Variants in SH3RF3 observed in about 807,000 individuals in gnomAD.
The protein encoded by SH3RF3 is SH3 domain containing ring finger 3.
Under a neutral mutation model 66.3 loss-of-function variants are expected in SH3RF3, and 29 were observed. That is an observed-to-expected ratio of 0.44 (90% confidence interval 0.33 to 0.60). SH3RF3 has a LOEUF of 0.60. Ranked by LOEUF, SH3RF3 falls within the 20% of genes least tolerant of loss-of-function variation. SH3RF3 has a pLI of 0.04. For synonymous variants in SH3RF3, 583 were observed against 532.0 expected, an observed-to-expected ratio of 1.10 and a Z score of -1.32; for missense variants, 1,194 against 1,190.9, an observed-to-expected ratio of 1.00 and a Z score of -0.04.
At position 109,503,542 on chromosome 2, in the gene SH3RF3, G is replaced by A. The variant is rs1679450761; in HGVS notation, c.*1871G>A. Reference sequence around the variant, plus strand: ...AAACATAGTAACTTCTGTGTGCCAGGTTAATGACAACCAAAAGCTCTCTAT... The same window carrying A: ...AAACATAGTAACTTCTGTGTGCCAGATTAATGACAACCAAAAGCTCTCTAT... On this transcript the variant is annotated 3_prime_UTR_variant, in exon 10 of 10. Coordinates refer to ENST00000309415, the MANE Select transcript of SH3RF3 (RefSeq NM_001099289.3). 6.6e-6 allele frequency: 1 copy of A among 152,112 alleles called. No homozygotes were observed. The highest frequency in any genetic ancestry group is 1.5e-5 in the Non-Finnish European group (1 of 68,036). The allele number at this position is 152,112 out of a possible 1,614,324, so 9.4% of individuals were successfully genotyped here.
At chr2:109,312,113 A>G (rs1287927197) in intron 1 of SH3RF3, among the ~76,000 whole-genome samples, 1 of 152,194 alleles carries the variant, frequency 6.6e-6, no homozygotes, top group Admixed American at 6.5e-5. Context: ...TTGTTAGTTC[A>G]AAAGTATGTC....
intron 8 of SH3RF3, among the ~76,000 whole-genome samples, chr2:109,462,462 T>C (rs1678231770): frequency 6.6e-6 from 1 of 152,166 alleles, no homozygotes; most frequent in African/African-American, 2.4e-5. Context: ...ATGATAATCC[T>C]CTGTCATTCT....
chr2:109,326,460 A>G (rs1682158977), intron 1 of SH3RF3, among the ~76,000 whole-genome samples: 1 of 152,168 alleles, frequency 6.6e-6, no homozygotes, highest in Non-Finnish European at 1.5e-5. Context: ...TTGCACTCCT[A>G]CCAGCAGTGG....
chr2:109,170,786 C>T (rs1677762530), intron 1 of SH3RF3, among the ~76,000 whole-genome samples: 2 of 152,222 alleles, frequency 1.3e-5, no homozygotes, highest in Admixed American at 1.3e-4. Context: ...ATCTGTTTCT[C>T]TCAGGAAGCT....
chr2:109,453,212 T>C (rs1677938293), intron 8 of SH3RF3, among the ~76,000 whole-genome samples: 1 of 152,098 alleles, frequency 6.6e-6, no homozygotes, highest in South Asian at 2.1e-4. Flanking sequence ...TGCAGGAACC[T>C]CTCCAGCCTA....
intron 8 of SH3RF3, among the ~76,000 whole-genome samples, chr2:109,462,517 A>G (rs981458020): frequency 6.6e-6 from 1 of 152,136 alleles, no homozygotes; most frequent in African/African-American, 2.4e-5. Flanking sequence ...GGAGAGTTGA[A>G]TAGGGATGTG....
In SH3RF3 at chr2:109,424,055, C is replaced by T. The variant is rs566941805; in HGVS notation, c.1403+4413C>T. On this transcript the variant is annotated intron_variant, in intron 5 of 9. Coordinates refer to ENST00000309415, the MANE Select transcript of SH3RF3 (RefSeq NM_001099289.3). ...AAGGAGCTGCAGGCCCTGGTGGTGGCAGCACATCCCCACCGGTACCGGCAT... is the reference window on the plus strand; with the variant it reads ...AAGGAGCTGCAGGCCCTGGTGGTGGTAGCACATCCCCACCGGTACCGGCAT... Among the ~76,000 whole-genome samples, 48 of 152,288 alleles carry T rather than the reference C, an allele frequency of 3.2e-4. No homozygotes were observed. In the South Asian group the frequency reaches 9.7e-3, roughly 31 times the overall value.
At chr2:109,233,585 T>C (rs139367559) in intron 1 of SH3RF3, among the ~76,000 whole-genome samples, 2,611 of 152,320 alleles carry the variant, frequency 0.017, 39 homozygotes, top group African/African-American at 0.036. Context: ...TTTAGGGCCA[T>C]GGTGTCCAGG....
At chr2:109,172,306 A>G (rs1677803945) in intron 1 of SH3RF3, among the ~76,000 whole-genome samples, 1 of 152,230 alleles carries the variant, frequency 6.6e-6, no homozygotes, top group Admixed American at 6.5e-5. Flanking sequence ...TCTCCTGACA[A>G]GGACCTTGCA....
chr2:109,240,400 A>G (rs1679749729), intron 1 of SH3RF3, among the ~76,000 whole-genome samples: 1 of 152,114 alleles, frequency 6.6e-6, no homozygotes, highest in Admixed American at 6.5e-5. Context: ...AGGCAGGAAA[A>G]TTGCTTAAAC....
At chr2:109,371,555 G>A (rs1202318709) in intron 2 of SH3RF3, 31 bp from the exon 3 acceptor site, 3 of 1,593,206 alleles carry the variant, frequency 1.9e-6, no homozygotes, top group Non-Finnish European at 2.6e-6. Context: ...GTGTCCGTAT[G>A]CTTGTGTCCA....
rs762794288 is a variant in SH3RF3, at chr2:109,398,755, G to A, written c.1111G>A (p.Asp371Asn). Residue 371 changes from aspartate to asparagine, a missense_variant, in exon 4 of 10, where the codon GAT becomes AAT. Transcript: ENST00000309415. ...GGTCAGTGCCTTTCAGCGGCGTGTG[G>A]ATGGCAAGAAGAACACCAAGAAACG... ...GAVSAFQRRV[D>N]GKKNTKKRHS... 39 of 1,613,530 alleles carry A rather than the reference G, an allele frequency of 2.4e-5. No individual in the cohort carries two copies. Among genetic ancestry groups the A allele is most frequent in the Non-Finnish European group, 3.1e-5 (37 of 1,179,782 alleles).
chr2:109,150,504 T>C (rs551115842), intron 1 of SH3RF3, among the ~76,000 whole-genome samples: 36 of 152,354 alleles, frequency 2.4e-4, no homozygotes, highest in African/African-American at 8.7e-4. Context: ...ATTCAACTTA[T>C]TAATTCACTT....
intron 1 of SH3RF3, among the ~76,000 whole-genome samples, chr2:109,292,987 C>T (rs1366779753): frequency 1.3e-5 from 2 of 152,226 alleles, no homozygotes; most frequent in East Asian, 1.9e-4. Context: ...CCATCTCAGC[C>T]TCCCAAAGTT....
At chr2:109,405,702 C>T (rs1423448163) in intron 4 of SH3RF3, among the ~76,000 whole-genome samples, 1 of 152,204 alleles carries the variant, frequency 6.6e-6, no homozygotes, top group Admixed American at 6.5e-5. Flanking sequence ...TCTATGGCCC[C>T]ATGTCACCTT....
intron 8 of SH3RF3, among the ~76,000 whole-genome samples, chr2:109,454,840 G>C (rs1158391434): frequency 6.6e-6 from 1 of 151,942 alleles, no homozygotes; most frequent in Non-Finnish European, 1.5e-5. Context: ...ACCTGGTGAT[G>C]ATTGTAGACT....
At chr2:109,218,920 G>A (rs1197586576) in intron 1 of SH3RF3, among the ~76,000 whole-genome samples, 1 of 152,188 alleles carries the variant, frequency 6.6e-6, no homozygotes, top group African/African-American at 2.4e-5. Context: ...TGAGAGCCCT[G>A]CCTTCCCTGC....
chr2:109,219,436 A>G (rs1679177181), intron 1 of SH3RF3, among the ~76,000 whole-genome samples: 1 of 152,240 alleles, frequency 6.6e-6, no homozygotes, highest in South Asian at 2.1e-4. Context: ...CCGACATAGA[A>G]TTGGAAGCTC....
intron 4 of SH3RF3, among the ~76,000 whole-genome samples, chr2:109,405,363 C>T (rs1676426452): frequency 6.6e-6 from 1 of 152,214 alleles, no homozygotes; most frequent in Admixed American, 6.5e-5. Context: ...TTCCCCAACA[C>T]TGACTCCCTG....
Sources: allele counts gnomAD v4.1 joint callset (sites outside exome capture counted in the v4.1 genomes callset), GRCh38; gene constraint gnomAD v4.1.1; transcripts MANE v1.5; gene names NCBI Gene and HGNC (gene_info 2026-07-23, HGNC 2026-07-21).